The following USP37 variants were observed in gnomAD, a reference collection of about 807,000 sequenced individuals.
USP37 encodes ubiquitin specific peptidase 37.
A neutral mutation model predicts 124.0 loss-of-function variants in USP37; 27 were observed. The ratio of observed to expected loss-of-function variants is 0.22; its 90% CI spans 0.16 to 0.30. USP37 has a LOEUF of 0.30. Among genes scored for constraint, USP37 ranks in the 10% least tolerant of loss-of-function variants. USP37 has a pLI of 1.00. For synonymous variants in USP37, 365 were observed against 388.0 expected (o/e 0.94, Z 0.70); for missense variants, 889 against 1,140.4 (o/e 0.78, Z 3.17).
chr2:218,564,993 C>T (rs898887599), intron 1 of USP37, among the ~76,000 whole-genome samples: 14 of 152,180 alleles, frequency 9.2e-5, no homozygotes, highest in African/African-American at 2.9e-4. Context: ...GCCATCTTGG[C>T]TCACTGCAAC....
intron 11 of USP37, among the ~76,000 whole-genome samples, chr2:218,506,536 G>A (rs13011560): frequency 0.041 from 6,134 of 149,794 alleles, 159 homozygotes; most frequent in East Asian, 0.12. Flanking sequence ...GGCGATCCAT[G>A]CACCTCCCAA....
Position 218,485,752 on chromosome 2 carries a change from AGAAGGAAAAATAAAGCAT to A in USP37, c.1591-27_1591-10del, listed in dbSNP as rs764322651. On this transcript the variant is annotated splice_polypyrimidine_tract_variant and intron_variant, in intron 15 of 25. Transcript: ENST00000258399. ...TACTCCAGTTCTTCGGCCTATAAAAAGAAGGAAAAATAAAGCATGAAGGTGAATCAGCATTAGTATCTT... is the reference window on the plus strand; with the variant it reads ...TACTCCAGTTCTTCGGCCTATAAAAAGAAGGTGAATCAGCATTAGTATCTT... 1 of 1,608,204 alleles carries A rather than the reference AGAAGGAAAAATAAAGCAT, an allele frequency of 6.2e-7. No individual in the cohort carries two copies. Among genetic ancestry groups the A allele is most frequent in the East Asian group, 2.2e-5 (1 of 44,784 alleles).
intron 21 of USP37, 120 bp downstream of exon 21, chr2:218,465,890 C>G: frequency 1.6e-6 from 2 of 1,273,634 alleles, no homozygotes; most frequent in Non-Finnish European, 2.1e-6. Flanking sequence ...ATGACTTACT[C>G]TATGTAAATC....
intron 14 of USP37, among the ~76,000 whole-genome samples, chr2:218,492,371 T>A (rs1019821400): frequency 6.6e-6 from 1 of 152,096 alleles, no homozygotes; most frequent in Non-Finnish European, 1.5e-5. Flanking sequence ...GGGAAAAGTG[T>A]GACAGAAGAT....
chr2:218,488,989 A>G (rs1024281737), intron 14 of USP37, among the ~76,000 whole-genome samples: 1 of 152,166 alleles, frequency 6.6e-6, no homozygotes, highest in Admixed American at 6.5e-5. Flanking sequence ...AAAGTATAAC[A>G]TAACATACAA....
At chr2:218,459,080 TA>T (rs5838700) in intron 23 of USP37, among the ~76,000 whole-genome samples, 89,217 of 147,350 alleles carry the variant, frequency 0.61, 27,095 homozygotes, top group East Asian at 0.89. Context: ...GAAAAAGGGT[TA>T]AAAAAAAAAA....
At chr2:218,489,339 C>G (rs1451854459) in intron 14 of USP37, among the ~76,000 whole-genome samples, 1 of 135,368 alleles carries the variant, frequency 7.4e-6, no homozygotes, top group African/African-American at 2.7e-5. Context: ...GCCTGGGCGA[C>G]AGAGAGAGAC....
At chr2:218,538,848 C>G (rs1691807397) in intron 8 of USP37, among the ~76,000 whole-genome samples, 1 of 152,068 alleles carries the variant, frequency 6.6e-6, no homozygotes, top group African/African-American at 2.4e-5. Context: ...GTTCTAAGAC[C>G]CACAATGAAT....
intron 8 of USP37, among the ~76,000 whole-genome samples, chr2:218,540,410 G>A (rs1438500822): frequency 1.3e-5 from 2 of 152,168 alleles, no homozygotes; most frequent in Non-Finnish European, 2.9e-5. Flanking sequence ...GGCCAGGTGG[G>A]AGGATTATTT....
intron 2 of USP37, among the ~76,000 whole-genome samples, 193 bp from the exon 3 acceptor site, chr2:218,561,076 ACTGT>A (rs1297432597): frequency 6.6e-6 from 1 of 152,208 alleles, no homozygotes; most frequent in African/African-American, 2.4e-5. Context: ...TGTTTATAGA[ACTGT>A]CTGTTAACAT....
chr2:218,540,020 C>CT (rs1024058107), intron 8 of USP37, among the ~76,000 whole-genome samples: 186 of 151,406 alleles, frequency 1.2e-3, no homozygotes, highest in African/African-American at 4.1e-3. Context: ...AAAAAAAAAT[C>CT]TTTTTTTTTA....
intron 8 of USP37, among the ~76,000 whole-genome samples, chr2:218,544,223 T>A (rs572054469): frequency 1.3e-5 from 2 of 150,674 alleles, no homozygotes; most frequent in African/African-American, 4.9e-5. Context: ...CTACTAAAAA[T>A]ACAAAAATTA....
intron 10 of USP37, among the ~76,000 whole-genome samples, chr2:218,527,169 C>T (rs1574928037): frequency 6.6e-6 from 1 of 152,132 alleles, no homozygotes; most frequent in African/African-American, 2.4e-5. Flanking sequence ...TCTGCCTGGC[C>T]GTCTACCCTG....
intron 11 of USP37, among the ~76,000 whole-genome samples, 194 bp downstream of exon 11, chr2:218,509,785 A>T (rs1360674852): frequency 6.6e-6 from 1 of 152,182 alleles, no homozygotes; most frequent in Admixed American, 6.6e-5. Context: ...TATATATTCC[A>T]AAGTTCTAAA....
intron 20 of USP37, among the ~76,000 whole-genome samples, chr2:218,467,958 G>A (rs61459730): frequency 0.029 from 4,276 of 149,260 alleles, 204 homozygotes; most frequent in African/African-American, 0.1. Context: ...CACAATATCC[G>A]CTCACTGCAA....
At chr2:218,488,929 C>T (rs1417065923) in intron 14 of USP37, among the ~76,000 whole-genome samples, 1 of 152,042 alleles carries the variant, frequency 6.6e-6, no homozygotes, top group African/African-American at 2.4e-5. Context: ...GCCACCACGC[C>T]CGGCCAATTT....
Position 218,458,585 on chromosome 2 carries a change from A to AAAAAT in USP37, c.2643+1200_2643+1204dup, listed in dbSNP as rs1238869301. 2.6e-5 allele frequency among the ~76,000 whole-genome samples: 4 copies of AAAAAT among 152,234 alleles called. No individual in the cohort carries two copies. The South Asian group carries it at 6.2e-4, about 24-fold the overall frequency. On this transcript the variant is annotated intron_variant, in intron 23 of 25. Transcript: ENST00000258399. Reference sequence around the variant, plus strand: ...GCGAGACTCTGTCTCAAAAAAATTAAAAAATAAAATAAAATAAAATAAGGA... The same window carrying AAAAAT: ...GCGAGACTCTGTCTCAAAAAAATTAAAAAATAAAATAAAATAAAATAAAATAAGGA...
chr2:218,452,750 T>C lies in USP37; in HGVS notation c.*2180A>G, dbSNP rs1372118593. ...CAATCTAGACTTATGGCATTATTTC[T>C]ACTTTTCTCCATGTTTTAATTGCAG... On this transcript the variant is annotated 3_prime_UTR_variant, in exon 26 of 26. Transcript: ENST00000258399. 3 of 152,256 alleles carry C rather than the reference T, an allele frequency of 2.0e-5. No homozygotes were observed. Among genetic ancestry groups the C allele is most frequent in the African/African-American group, 4.8e-5 (2 of 41,472 alleles). The allele number at this position is 152,256 out of a possible 1,614,324, so 9.4% of individuals were successfully genotyped here.
At chr2:218,463,530 CTT>C (rs778154896) in intron 21 of USP37, among the ~76,000 whole-genome samples, 164 bp from the exon 22 acceptor site, 2,540 of 98,746 alleles carry the variant, frequency 0.026, 15 homozygotes, top group Non-Finnish European at 0.037. Flanking sequence ...AAGTTCTTTA[CTT>C]TTTTTTTTTT....
Sources: allele counts gnomAD v4.1 joint callset (sites outside exome capture counted in the v4.1 genomes callset), GRCh38; gene constraint gnomAD v4.1.1; transcripts MANE v1.5; gene names NCBI Gene and HGNC (gene_info 2026-07-23, HGNC 2026-07-21).